The following CNTNAP2 variants were observed in gnomAD, a reference collection of about 807,000 sequenced individuals.
CNTNAP2 encodes the protein contactin-associated protein-like 2.
CNTNAP2 carries 98 observed loss-of-function variants against 155.2 expected under a neutral mutation model. The observed-to-expected ratio is 0.63, with a 90% confidence interval of 0.54 to 0.75. The LOEUF (loss-of-function observed/expected upper bound fraction) is 0.75, where lower values mean the gene tolerates loss of function less well. Among genes scored for constraint, CNTNAP2 ranks in the 30% least tolerant of loss-of-function variants. The pLI is 0.00. For synonymous variants in CNTNAP2, 651 were observed against 631.2 expected (o/e 1.03, Z -0.47); for missense variants, 1,727 against 1,688.1 (o/e 1.02, Z -0.40).
intron 2 of CNTNAP2, among the ~76,000 whole-genome samples, chr7:146,795,766 T>C (rs1444628234): frequency 1.3e-5 from 2 of 152,178 alleles, no homozygotes; most frequent in Non-Finnish European, 2.9e-5. Flanking sequence ...TGTTCACACC[T>C]TATGCCCCAG....
At position 148,147,779 on chromosome 7, in the gene CNTNAP2, A is replaced by AT. The variant is rs1805220316; in HGVS notation, c.2773+70_2773+71insT. 5 of 1,508,354 alleles carry AT rather than the reference A, an allele frequency of 3.3e-6. No homozygotes were observed. In the South Asian group the frequency reaches 5.8e-5, roughly 18 times the overall value. The allele number at this position is 1,508,354 out of a possible 1,614,324, so 93.4% of individuals were successfully genotyped here. Reference sequence around the variant, plus strand: ...AAGAGCCTGCACAATACAAAAAAAAAAAAAAATCAGCCTATGCAAGGTTTG... The same window carrying AT: ...AAGAGCCTGCACAATACAAAAAAAAATAAAAAATCAGCCTATGCAAGGTTTG... On this transcript the variant is annotated intron_variant, in intron 17 of 23. Coordinates refer to ENST00000361727, the MANE Select transcript of CNTNAP2 (RefSeq NM_014141.6).
At chr7:146,340,932 AGTCT>A (rs1402304278) in intron 1 of CNTNAP2, among the ~76,000 whole-genome samples, 1 of 152,198 alleles carries the variant, frequency 6.6e-6, no homozygotes, top group African/African-American at 2.4e-5. Flanking sequence ...TTTTCCAGAA[AGTCT>A]GTCTAGTTGT....
intron 1 of CNTNAP2, among the ~76,000 whole-genome samples, chr7:146,759,199 TCAATG>T (rs1338928839): frequency 6.6e-6 from 1 of 152,124 alleles, no homozygotes; most frequent in Non-Finnish European, 1.5e-5. Flanking sequence ...ATCCTAGAAA[TCAATG>T]CAACATATTT....
intron 12 of CNTNAP2, among the ~76,000 whole-genome samples, chr7:147,637,671 C>T (rs1325799038): frequency 1.3e-5 from 2 of 152,092 alleles, no homozygotes. Flanking sequence ...TAATATGTTC[C>T]TCTCTCCCTT....
chr7:146,304,461 C>A (rs2129089034), intron 1 of CNTNAP2, among the ~76,000 whole-genome samples: 1 of 152,056 alleles, frequency 6.6e-6, no homozygotes, highest in South Asian at 2.1e-4. Flanking sequence ...GTAAGGCAGG[C>A]CTGGTGGTGA....
At position 147,652,632 on chromosome 7, in the gene CNTNAP2, C is replaced by T. The variant is rs533379901; in HGVS notation, c.2098+13326C>T. ...TCACCCAAGGAAAAACAGTAAATAC[C>T]GTGCTGAGAGTCCAAACCAAGATTA... On this transcript the variant is annotated intron_variant, in intron 13 of 23. Coordinates refer to ENST00000361727, the MANE Select transcript of CNTNAP2 (RefSeq NM_014141.6). Among the ~76,000 whole-genome samples the T allele has an allele frequency of 1.3e-4, 19 of 151,976 alleles. No homozygotes were observed. The South Asian group carries it at 2.5e-3, about 20-fold the overall frequency.
intron 3 of CNTNAP2, among the ~76,000 whole-genome samples, chr7:146,964,312 GT>G (rs1171382610): frequency 6.6e-6 from 1 of 152,204 alleles, no homozygotes; most frequent in Non-Finnish European, 1.5e-5. Context: ...TACTAATGAA[GT>G]TTATGTTTCT....
chr7:148,075,602 T>A (rs1420200876), intron 15 of CNTNAP2, among the ~76,000 whole-genome samples: 1 of 152,274 alleles, frequency 6.6e-6, no homozygotes, highest in African/African-American at 2.4e-5. Context: ...ATACAAGTGA[T>A]AAAAAATGGA....
rs544377868 is a variant in CNTNAP2 at position 146,282,998 on chromosome 7, G to A, written c.97+166025G>A. Among the ~76,000 whole-genome samples the A allele has an allele frequency of 2.1e-3, 326 of 152,204 alleles. 3 individuals carry two copies. Among genetic ancestry groups the A allele is most frequent in the African/African-American group, 7.1e-3 (295 of 41,538 alleles). On this transcript the variant is annotated intron_variant, in intron 1 of 23. Coordinates refer to ENST00000361727, the MANE Select transcript of CNTNAP2 (RefSeq NM_014141.6). Reference sequence around the variant, plus strand: ...TCACATCTTCAAATATTTATAAAACGCTGTGTCCTAAGTCCTAGCAATTAT... The same window carrying A: ...TCACATCTTCAAATATTTATAAAACACTGTGTCCTAAGTCCTAGCAATTAT...
In CNTNAP2 at chr7:147,193,962, T is replaced by TC. The variant is rs1473566392; in HGVS notation, c.1348+61454dup. On this transcript the variant is annotated intron_variant, in intron 8 of 23. Coordinates refer to ENST00000361727, the MANE Select transcript of CNTNAP2 (RefSeq NM_014141.6). ...TAATTATCTTAGATTGTTTTTTTTT[T>TC]CTTCTAAAAAAAAGTGGGGGGAGAT... 2.6e-5 allele frequency among the ~76,000 whole-genome samples: 4 copies of TC among 151,978 alleles called. No individual in the cohort carries two copies. In the East Asian group the frequency reaches 7.8e-4, roughly 29 times the overall value.
chr7:147,177,072 C>T (rs574498017), intron 8 of CNTNAP2, among the ~76,000 whole-genome samples: 33 of 145,218 alleles, frequency 2.3e-4, no homozygotes, highest in African/African-American at 7.5e-4. Flanking sequence ...TACATACACA[C>T]GTATAATATA....
chr7:147,985,699 C>T (rs1333329379), intron 15 of CNTNAP2, among the ~76,000 whole-genome samples: 1 of 152,118 alleles, frequency 6.6e-6, no homozygotes, highest in East Asian at 1.9e-4. Flanking sequence ...AAAGTAAAAA[C>T]AAAATCTAAT....
chr7:146,641,062 C>T (rs780850311), intron 1 of CNTNAP2, among the ~76,000 whole-genome samples: 2 of 152,146 alleles, frequency 1.3e-5, no homozygotes, highest in Admixed American at 6.5e-5. Context: ...CACGGTGGCT[C>T]GTGCCTATAA....
At chr7:147,243,637 G>A (rs1803991457) in intron 8 of CNTNAP2, among the ~76,000 whole-genome samples, 1 of 152,122 alleles carries the variant, frequency 6.6e-6, no homozygotes, top group Non-Finnish European at 1.5e-5. Context: ...TTTCATCAGT[G>A]TCCTGGTCAT....
chr7:148,258,807 G>T (rs2116828189), intron 20 of CNTNAP2, among the ~76,000 whole-genome samples: 1 of 151,924 alleles, frequency 6.6e-6, no homozygotes, highest in South Asian at 2.1e-4. Context: ...GAGGTGGGAG[G>T]ATCACTTGAG....
intron 10 of CNTNAP2, among the ~76,000 whole-genome samples, chr7:147,483,357 T>C (rs1180961425): frequency 6.6e-6 from 1 of 152,076 alleles, no homozygotes; most frequent in East Asian, 1.9e-4. Flanking sequence ...TGGGTATCTA[T>C]GGGGTGGGTG....
chr7:146,268,996 C>A (rs1306598759), intron 1 of CNTNAP2, among the ~76,000 whole-genome samples: 3 of 152,114 alleles, frequency 2.0e-5, no homozygotes, highest in Non-Finnish European at 4.4e-5. Flanking sequence ...AAGCCTTTGG[C>A]CTCTAACAGA....
At chr7:146,578,298 G>A (rs918133948) in intron 1 of CNTNAP2, among the ~76,000 whole-genome samples, 3 of 152,050 alleles carry the variant, frequency 2.0e-5, no homozygotes, top group Non-Finnish European at 2.9e-5. Flanking sequence ...GTGTTAATTA[G>A]TGAGTCTGTA....
chr7:146,632,371 A>G (rs1366365485), intron 1 of CNTNAP2, among the ~76,000 whole-genome samples: 3 of 152,160 alleles, frequency 2.0e-5, no homozygotes, highest in Non-Finnish European at 4.4e-5. Context: ...GCAACATAGG[A>G]CAGCAAATGA....
Sources: allele counts gnomAD v4.1 joint callset (sites outside exome capture counted in the v4.1 genomes callset), GRCh38; gene constraint gnomAD v4.1.1; transcripts MANE v1.5; gene names NCBI Gene and HGNC (gene_info 2026-07-23, HGNC 2026-07-21).